Variants in SPMAP2L observed in about 807,000 individuals in gnomAD.
The protein encoded by SPMAP2L is sperm microtubule associated protein 2 like, also known as sperm microtubule associated protein 2-like.
At chr4:56,565,572 C>T in the SPMAP2L span, among the ~76,000 whole-genome samples, 1 of 152,142 alleles carries the variant, frequency 6.6e-6, no homozygotes, top group Non-Finnish European at 1.5e-5. Context: ...TTCTGTACTC[C>T]CATGCAAGGA....
chr4:56,554,182 T>C, the SPMAP2L span, among the ~76,000 whole-genome samples: 1 of 152,228 alleles, frequency 6.6e-6, no homozygotes, highest in Admixed American at 6.5e-5. Flanking sequence ...GTTTTTTTGG[T>C]ATATTTAAGT....
chr4:56,597,418 C>A, the SPMAP2L span, among the ~76,000 whole-genome samples: 4 of 152,114 alleles, frequency 2.6e-5, no homozygotes, highest in Non-Finnish European at 5.9e-5. Flanking sequence ...ATTGCAGTGC[C>A]AACTTGGTGC....
the SPMAP2L span, chr4:56,595,299 G>T: frequency 6.2e-7 from 1 of 1,612,682 alleles, no homozygotes; most frequent in Non-Finnish European, 8.5e-7. Context: ...CAGTGGATGT[G>T]GCCAAGAGAC....
chr4:56,543,945 AGAGAGTGT>A, the SPMAP2L span, among the ~76,000 whole-genome samples: 2 of 132,958 alleles, frequency 1.5e-5, no homozygotes, highest in Middle Eastern at 3.9e-3. Flanking sequence ...AGAGAGAGAG[AGAGAGTGT>A]GTGTGTGTGT....
At chr4:56,623,904 G>T in the SPMAP2L span, among the ~76,000 whole-genome samples, 1 of 152,196 alleles carries the variant, frequency 6.6e-6, no homozygotes, top group Non-Finnish European at 1.5e-5. Flanking sequence ...GTAGAGTGGG[G>T]CACTGCTGAA....
chr4:56,579,761 C>T, the SPMAP2L span, among the ~76,000 whole-genome samples: 1 of 151,996 alleles, frequency 6.6e-6, no homozygotes, highest in South Asian at 2.1e-4. Context: ...AAAACAAGAC[C>T]CTGATTTTGA....
the SPMAP2L span, chr4:56,584,718 T>C: frequency 1.3e-6 from 1 of 787,588 alleles, no homozygotes; most frequent in Non-Finnish European, 2.0e-6. Flanking sequence ...TTTTCCCTCT[T>C]ATCAAATGAA....
the SPMAP2L span, among the ~76,000 whole-genome samples, chr4:56,623,482 A>C: frequency 6.6e-6 from 1 of 152,212 alleles, no homozygotes; most frequent in Non-Finnish European, 1.5e-5. Flanking sequence ...GGAGCCCTAG[A>C]GAGAGAAAAA....
chr4:56,562,415 G>A, the SPMAP2L span, among the ~76,000 whole-genome samples: 14 of 149,068 alleles, frequency 9.4e-5, no homozygotes, highest in Non-Finnish European at 1.5e-4. Context: ...TTTCTTTCTG[G>A]TAAAATCCTT....
At chr4:56,624,748 A>T in the SPMAP2L span, among the ~76,000 whole-genome samples, 1 of 152,212 alleles carries the variant, frequency 6.6e-6, no homozygotes, top group Non-Finnish European at 1.5e-5. Flanking sequence ...GGGAACCTCC[A>T]CTTAGATTTC....
the SPMAP2L span, among the ~76,000 whole-genome samples, chr4:56,592,602 G>A: frequency 2.0e-5 from 3 of 152,222 alleles, no homozygotes; most frequent in Non-Finnish European, 2.9e-5. Context: ...GCCAGGAGAG[G>A]GGCCGAGAGC....
the SPMAP2L span, among the ~76,000 whole-genome samples, chr4:56,543,233 G>C: frequency 1.3e-3 from 191 of 151,448 alleles, no homozygotes; most frequent in African/African-American, 4.2e-3. Context: ...ACAGGCGCCC[G>C]CCACCACACC....
chr4:56,566,885 CAG>C, the SPMAP2L span, among the ~76,000 whole-genome samples: 2 of 151,520 alleles, frequency 1.3e-5, no homozygotes, highest in South Asian at 4.2e-4. Context: ...TTAGTAGAGA[CAG>C]GGTTTCAGCG....
At chr4:56,616,664 G>A in the SPMAP2L span, among the ~76,000 whole-genome samples, 1 of 152,196 alleles carries the variant, frequency 6.6e-6, no homozygotes, top group African/African-American at 2.4e-5. Flanking sequence ...CAGAGAAATA[G>A]CCAGGGCTGT....
At chr4:56,593,137 G>A in the SPMAP2L span, 3 of 1,577,510 alleles carry the variant, frequency 1.9e-6, no homozygotes, top group African/African-American at 4.0e-5. Context: ...GGATCACCCA[G>A]TATACTCCAT....
At chr4:56,601,144 G>T in the SPMAP2L span, 1 of 1,518,502 alleles carries the variant, frequency 6.6e-7, no homozygotes, top group Non-Finnish European at 8.8e-7. Context: ...GGACAGGAAA[G>T]GCTGGGGTTC....
At chr4:56,626,063 G>C in the SPMAP2L span, among the ~76,000 whole-genome samples, 1 of 152,146 alleles carries the variant, frequency 6.6e-6, no homozygotes, top group Non-Finnish European at 1.5e-5. Context: ...TGGAGACATT[G>C]GATACCTCTC....
the SPMAP2L span, among the ~76,000 whole-genome samples, chr4:56,544,534 A>G: frequency 2.6e-5 from 4 of 152,230 alleles, no homozygotes; most frequent in African/African-American, 9.6e-5. Context: ...CGTAAAAAAA[A>G]TAGGGTTCTA....
the SPMAP2L span, among the ~76,000 whole-genome samples, chr4:56,580,294 A>G: frequency 6.6e-6 from 1 of 152,212 alleles, no homozygotes; most frequent in Non-Finnish European, 1.5e-5. Flanking sequence ...GCTTTACCCC[A>G]GGAATGTGAG....
Sources: allele counts gnomAD v4.1 joint callset (sites outside exome capture counted in the v4.1 genomes callset), GRCh38; gene constraint gnomAD v4.1.1; transcripts MANE v1.5; gene names NCBI Gene and HGNC (gene_info 2026-07-23, HGNC 2026-07-21).